ELF2: variants seen among roughly 807,000 people sequenced by gnomAD.
ELF2 encodes E74 like ETS transcription factor 2, also known as ETS-related transcription factor Elf-2.
In ELF2, 11 loss-of-function variants were observed where a neutral mutation model predicts 54.8. The observed-to-expected ratio is 0.20, with a 90% CI of 0.13 to 0.33. The LOEUF (loss-of-function observed/expected upper bound fraction) is 0.33, where lower values mean the gene tolerates loss of function less well. Ranked by LOEUF, ELF2 falls within the 10% of genes least tolerant of loss-of-function variation. ELF2 has a pLI of 1.00. For missense variants in ELF2, 513 were observed against 703.0 expected, an observed-to-expected ratio of 0.73 and a Z score of 3.06; for synonymous variants, 203 against 245.1, an observed-to-expected ratio of 0.83 and a Z score of 1.61.
At chr4:139,123,968 T>C (rs962840407) in intron 4 of ELF2, among the ~76,000 whole-genome samples, 1 of 152,194 alleles carries the variant, frequency 6.6e-6, no homozygotes, top group East Asian at 1.9e-4. Context: ...TAAAAAGATA[T>C]GCACTATATA....
intron 3 of ELF2, chr4:139,137,356 T>G (rs1738289654): frequency 4.2e-6 from 2 of 474,150 alleles, no homozygotes; most frequent in Non-Finnish European, 3.7e-6. Flanking sequence ...GGGATTTAAA[T>G]TTAACTCTCA....
chr4:139,159,753 G>A (rs1169899206), intron 1 of ELF2, among the ~76,000 whole-genome samples: 3 of 152,208 alleles, frequency 2.0e-5, no homozygotes, highest in African/African-American at 4.8e-5. Flanking sequence ...GATGGCCTTT[G>A]CAGTGAATGA....
rs1252689821 is a variant in ELF2 at position 139,151,028 on chromosome 4, AAAAAAAAGAAAGAAAG to A, written c.-251-11547_-251-11532del. ...GACGGAACGAGGCTCCATCTCAAAA[AAAAAAAAGAAAGAAAG>A]AAAGAAAGAAAGAAAGAAAGAAAGA... On this transcript the variant is annotated intron_variant, in intron 1 of 9. Transcript: ENST00000686138. Among the ~76,000 whole-genome samples the A allele has an allele frequency of 9.5e-5, 10 of 105,310 alleles. 1 individual carries two copies. The highest frequency in any genetic ancestry group is 2.8e-4 in the African/African-American group (5 of 17,566). The allele number at this position is 105,310 out of a possible 152,430, so 69.1% of individuals were successfully genotyped here.
chr4:139,133,414 T>A (rs539596040), intron 3 of ELF2, among the ~76,000 whole-genome samples: 2 of 152,206 alleles, frequency 1.3e-5, no homozygotes, highest in Non-Finnish European at 2.9e-5. Flanking sequence ...TTGATCTACA[T>A]GTCTGTTGGC....
At chr4:139,066,036 C>A (rs1191726680) in intron 7 of ELF2, 3 of 59,724 alleles carry the variant, frequency 5.0e-5, no homozygotes, top group South Asian at 1.0e-3. Context: ...TTTTTTTTGA[C>A]CTAATGAAAT....
At chr4:139,084,469 T>A (rs1416590865) in intron 4 of ELF2, 2 of 1,072,226 alleles carry the variant, frequency 1.9e-6, no homozygotes, top group African/African-American at 1.7e-5. Context: ...CGGCTGTGGC[T>A]GTGGCGGCCG....
intron 3 of ELF2, among the ~76,000 whole-genome samples, chr4:139,130,896 G>A (rs185358632): frequency 3.3e-5 from 5 of 152,140 alleles, no homozygotes; most frequent in African/African-American, 1.2e-4. Flanking sequence ...TCTGCCATAT[G>A]ATACAGACCA....
intron 7 of ELF2, among the ~76,000 whole-genome samples, chr4:139,064,482 T>C (rs1341659438): frequency 6.6e-6 from 1 of 152,254 alleles, no homozygotes; most frequent in African/African-American, 2.4e-5. Flanking sequence ...AAAGTACTGA[T>C]GTTTTGTCTC....
chr4:139,132,393 C>T (rs1188789312), intron 3 of ELF2, among the ~76,000 whole-genome samples: 2 of 152,084 alleles, frequency 1.3e-5, no homozygotes, highest in Non-Finnish European at 2.9e-5. Flanking sequence ...ATTTCCATCA[C>T]CCCAGAAAGT....
chr4:139,160,009 C>A (rs1459360557), intron 1 of ELF2, among the ~76,000 whole-genome samples: 1 of 152,138 alleles, frequency 6.6e-6, no homozygotes, highest in Non-Finnish European at 1.5e-5. Flanking sequence ...GGGGGCGGAG[C>A]GGTAGCCTCA....
At chr4:139,116,779 G>A (rs1003953947) in intron 4 of ELF2, 1 of 965,144 alleles carries the variant, frequency 1.0e-6, no homozygotes, top group Non-Finnish European at 1.2e-6. Context: ...TCTAATTAAA[G>A]GAGTCCTTTT....
intron 4 of ELF2, among the ~76,000 whole-genome samples, chr4:139,083,150 T>C (rs1731382229): frequency 6.6e-6 from 1 of 151,340 alleles, no homozygotes; most frequent in Non-Finnish European, 1.5e-5. Flanking sequence ...GTTCTGTCCT[T>C]TCCGAGGCGC....
intron 1 of ELF2, among the ~76,000 whole-genome samples, chr4:139,156,325 G>A (rs1160996829): frequency 3.3e-5 from 5 of 151,856 alleles, no homozygotes; most frequent in South Asian, 4.2e-4. Context: ...ACAGGCACCC[G>A]CCACCATGCC....
intron 3 of ELF2, among the ~76,000 whole-genome samples, chr4:139,129,219 T>A (rs1486734512): frequency 6.6e-6 from 1 of 152,224 alleles, no homozygotes; most frequent in Non-Finnish European, 1.5e-5. Flanking sequence ...ATGACAGGCA[T>A]GAGCGACTAC....
intron 1 of ELF2, among the ~76,000 whole-genome samples, chr4:139,174,673 A>G (rs1239042951): frequency 6.6e-6 from 1 of 152,264 alleles, no homozygotes; most frequent in East Asian, 1.9e-4. Flanking sequence ...AATACACAGT[A>G]TAACAACTAT....
At chr4:139,063,909 T>C (rs1215393465) in intron 7 of ELF2, among the ~76,000 whole-genome samples, 1 of 152,164 alleles carries the variant, frequency 6.6e-6, no homozygotes, top group Non-Finnish European at 1.5e-5. Context: ...TTTTTCTCCC[T>C]TATTATGGAG....
In ELF2 at chr4:139,063,116, C is replaced by T. The variant is rs189718058; in HGVS notation, c.614-1059G>A. ...CTACTAAAAATATAAAATTTAGCTG[C>T]GCATGGTGGCGTGCACCTGTAATCC... is the stretch of plus-strand genomic sequence containing the variant. On this transcript the variant is annotated intron_variant, in intron 7 of 9. Coordinates refer to ENST00000686138, the MANE Select transcript of ELF2 (RefSeq NM_001331036.3). Among the ~76,000 whole-genome samples, 934 of 152,036 alleles carry T rather than the reference C, an allele frequency of 6.1e-3. 12 individuals carry two copies. Among genetic ancestry groups the T allele is most frequent in the African/African-American group, 0.021 (891 of 41,456 alleles).
chr4:139,096,422 T>C (rs1349720539), intron 4 of ELF2, among the ~76,000 whole-genome samples: 1 of 152,118 alleles, frequency 6.6e-6, no homozygotes, highest in Non-Finnish European at 1.5e-5. Flanking sequence ...ATTGAATGGT[T>C]ATTAATTTGT....
intron 4 of ELF2, among the ~76,000 whole-genome samples, chr4:139,111,236 G>A (rs1025439053): frequency 6.6e-6 from 1 of 152,094 alleles, no homozygotes; most frequent in Non-Finnish European, 1.5e-5. Context: ...TGTATGCAGC[G>A]CTGAAAATAC....
Sources: allele counts gnomAD v4.1 joint callset (sites outside exome capture counted in the v4.1 genomes callset), GRCh38; gene constraint gnomAD v4.1.1; transcripts MANE v1.5; gene names NCBI Gene and HGNC (gene_info 2026-07-23, HGNC 2026-07-21).